ZGRF1: variants seen among roughly 807,000 people sequenced by gnomAD.
ZGRF1 encodes zinc finger GRF-type containing 1.
ZGRF1 carries 196 observed loss-of-function variants against 203.5 expected under a neutral mutation model. The observed-to-expected ratio is 0.96, with a 90% confidence interval of 0.86 to 1.08. ZGRF1 has a LOEUF of 1.08. ZGRF1 is among the 50% of genes least tolerant of loss of function. The pLI is 0.00. For missense variants in ZGRF1, 2,326 were observed against 2,416.3 expected (o/e 0.96, Z 0.78); for synonymous variants, 809 against 841.3 (o/e 0.96, Z 0.66).
chr4:112,619,990 A>T lies in ZGRF1; in HGVS notation c.351+12T>A. ...TATATTTTGATATATTATTTTCCATAGCAAAACTTACAGTAAACTTCCTTT... is the reference window on the plus strand; with the variant it reads ...TATATTTTGATATATTATTTTCCATTGCAAAACTTACAGTAAACTTCCTTT... On this transcript the variant is annotated intron_variant, in intron 5 of 27. Coordinates refer to ENST00000505019, the MANE Select transcript of ZGRF1 (RefSeq NM_018392.5). 1 of 1,553,394 alleles carries T rather than the reference A, an allele frequency of 6.4e-7. No individual in the cohort carries two copies. Among genetic ancestry groups the T allele is most frequent in the Non-Finnish European group, 8.6e-7 (1 of 1,156,188 alleles).
chr4:112,617,556 A>G lies in ZGRF1; in HGVS notation c.2486T>C (p.Leu829Ser). 1.2e-6 allele frequency: 2 copies of G among 1,613,636 alleles called. No homozygotes were observed. The highest frequency in any genetic ancestry group is 1.1e-5 in the South Asian group (1 of 90,952). Residue 829 changes from leucine to serine, a missense_variant, in exon 6 of 28, where the codon TTA (leucine) becomes TCA (serine). Transcript: ENST00000505019. ...AGTACTGTGTTCACATAGCGACTTT[A>G]AAATAGAAATGGTATTTACTAATCC... ...LSGLVNTISI[L>S]KSLCEHSTAL...
chr4:112,614,826 CA>C (rs111283881), intron 6 of ZGRF1, among the ~76,000 whole-genome samples: 7,556 of 140,720 alleles, frequency 0.054, 434 homozygotes, highest in African/African-American at 0.15. Flanking sequence ...GACTCTGTGT[CA>C]AAAAAAAAAA....
chr4:112,622,835 C>A (rs2047106810), intron 4 of ZGRF1, among the ~76,000 whole-genome samples: 1 of 152,018 alleles, frequency 6.6e-6, no homozygotes, highest in African/African-American at 2.4e-5. Context: ...TATTTTTAAC[C>A]TTTAAGTTCA....
intron 7 of ZGRF1, among the ~76,000 whole-genome samples, chr4:112,609,881 C>G (rs1047406602): frequency 2.6e-5 from 4 of 152,094 alleles, no homozygotes; most frequent in Admixed American, 2.6e-4. Context: ...TGGCTCACAC[C>G]TGTAATTCCA....
At chr4:112,627,453 A>G (rs929306670) in intron 3 of ZGRF1, among the ~76,000 whole-genome samples, 6 of 152,212 alleles carry the variant, frequency 3.9e-5, no homozygotes, top group Non-Finnish European at 7.3e-5. Flanking sequence ...TCTAAAATAC[A>G]AATATAGCCG....
At chr4:112,601,269 G>T (rs1047137822) in intron 10 of ZGRF1, among the ~76,000 whole-genome samples, 3 of 152,064 alleles carry the variant, frequency 2.0e-5, no homozygotes, top group Admixed American at 6.6e-5. Flanking sequence ...TAGCTGGGCA[G>T]CCGGGAGTAG....
chr4:112,605,974 G>T, intron 9 of ZGRF1, 34 bp downstream of exon 9: 2 of 1,295,328 alleles, frequency 1.5e-6, no homozygotes, highest in Non-Finnish European at 2.2e-6. Context: ...AAATGTAGTT[G>T]GTTAAATAAA....
intron 16 of ZGRF1, among the ~76,000 whole-genome samples, chr4:112,574,887 G>A (rs1744862839): frequency 6.6e-6 from 1 of 152,026 alleles, no homozygotes; most frequent in Non-Finnish European, 1.5e-5. Context: ...TTAGCTGGAT[G>A]TGGTAGCGCG....
intron 18 of ZGRF1, 61 bp from the exon 19 acceptor site, chr4:112,561,056 G>A: frequency 1.5e-6 from 2 of 1,293,434 alleles, no homozygotes; most frequent in East Asian, 2.4e-5. Context: ...AAGATGAGTA[G>A]AATAATTCAT....
chr4:112,591,679 T>C (rs771324775), intron 10 of ZGRF1, among the ~76,000 whole-genome samples: 1 of 152,192 alleles, frequency 6.6e-6, no homozygotes, highest in Non-Finnish European at 1.5e-5. Flanking sequence ...GCTCTTGCTA[T>C]TCCCTGTGCC....
intron 10 of ZGRF1, among the ~76,000 whole-genome samples, chr4:112,600,927 C>T (rs1749854155): frequency 6.6e-6 from 1 of 152,052 alleles, no homozygotes; most frequent in Non-Finnish European, 1.5e-5. Context: ...ATCGCGATGG[C>T]CACCTGGTCC....
intron 6 of ZGRF1, among the ~76,000 whole-genome samples, chr4:112,616,007 T>C (rs2046855528): frequency 6.6e-6 from 1 of 152,212 alleles, no homozygotes; most frequent in Admixed American, 6.5e-5. Flanking sequence ...AGAATCATTT[T>C]AGTAGGTACA....
intron 16 of ZGRF1, among the ~76,000 whole-genome samples, chr4:112,576,623 T>A (rs191681548): frequency 2.0e-5 from 3 of 152,200 alleles, no homozygotes; most frequent in African/African-American, 7.2e-5. Context: ...GAGAACTGCA[T>A]GATAAATGCA....
chr4:112,588,782 A>C (rs1747663877), intron 11 of ZGRF1, among the ~76,000 whole-genome samples: 2 of 152,186 alleles, frequency 1.3e-5, no homozygotes, highest in Non-Finnish European at 2.9e-5. Context: ...GATCATCTGG[A>C]AAGTAGCAGA....
chr4:112,559,572 T>C (rs1741557769), intron 19 of ZGRF1, among the ~76,000 whole-genome samples: 1 of 152,178 alleles, frequency 6.6e-6, no homozygotes, highest in Admixed American at 6.5e-5. Context: ...TAGTGGTAGA[T>C]CAATTAGAAA....
chr4:112,579,005 C>T (rs184773638), intron 16 of ZGRF1, among the ~76,000 whole-genome samples: 1,588 of 122,586 alleles, frequency 0.013, 371 homozygotes, highest in African/African-American at 0.041. Context: ...TGATGAACAT[C>T]GATGCAAAAA....
chr4:112,623,254 T>C (rs2047122843), intron 4 of ZGRF1, among the ~76,000 whole-genome samples: 1 of 152,222 alleles, frequency 6.6e-6, no homozygotes, highest in South Asian at 2.1e-4. Context: ...ATCCAGTCTA[T>C]CACTGATAGG....
chr4:112,611,883 G>C (rs926686900), intron 7 of ZGRF1, among the ~76,000 whole-genome samples: 4 of 152,122 alleles, frequency 2.6e-5, no homozygotes, highest in Non-Finnish European at 4.4e-5. Context: ...CAAGAAATAA[G>C]GTGGTGTTAC....
chr4:112,554,126 A>G (rs1194445017), intron 21 of ZGRF1, 144 bp from the exon 22 acceptor site: 5 of 615,394 alleles, frequency 8.1e-6, no homozygotes, highest in Non-Finnish European at 1.3e-5. Flanking sequence ...ATATGTATAC[A>G]TGTGCCATGT....
Sources: allele counts gnomAD v4.1 joint callset (sites outside exome capture counted in the v4.1 genomes callset), GRCh38; gene constraint gnomAD v4.1.1; transcripts MANE v1.5; gene names NCBI Gene and HGNC (gene_info 2026-07-23, HGNC 2026-07-21).